LUC7L2: variants seen among roughly 807,000 people sequenced by gnomAD.
LUC7L2 encodes the protein LUC7 like 2, pre-mRNA splicing factor, also known as putative RNA-binding protein Luc7-like 2.
In LUC7L2, 25 loss-of-function variants were observed where a neutral mutation model predicts 52.8. The ratio of observed to expected loss-of-function variants is 0.47; its 90% CI spans 0.34 to 0.66. LUC7L2 has a LOEUF of 0.66. LUC7L2 is among the 30% of genes least tolerant of loss of function. LUC7L2 has a pLI of 0.01. For missense variants in LUC7L2, 328 were observed against 497.8 expected, an observed-to-expected ratio of 0.66 and a Z score of 3.25; for synonymous variants, 144 against 160.9, an observed-to-expected ratio of 0.89 and a Z score of 0.80.
rs1247246100 is a variant in LUC7L2, at chr7:139,341,232, C to G, written c.-26+715C>G. ...CCCTGGGCCTTCGATTAATAAGGTT[C>G]GGTCAACGGACAAGTGAGCGGTTCC... On this transcript the variant is annotated intron_variant, in intron 1 of 10. Transcript: ENST00000541170. 4 of 1,339,148 alleles carry G rather than the reference C, an allele frequency of 3.0e-6. No individual in the cohort carries two copies. The African/African-American group carries it at 5.9e-5, about 20-fold the overall frequency. The allele number at this position is 1,339,148 out of a possible 1,614,324, so 83.0% of individuals were successfully genotyped here. A position where few individuals can be genotyped will look rare whatever the true frequency, so the allele number is the denominator to read the frequency against.
intron 1 of LUC7L2, among the ~76,000 whole-genome samples, chr7:139,352,283 A>G (rs920305293): frequency 3.3e-5 from 5 of 152,096 alleles, no homozygotes; most frequent in Non-Finnish European, 1.5e-5. Flanking sequence ...TGGGGCCAGG[A>G]GTTTGTGACC....
chr7:139,386,664 C>G (rs562807501), intron 2 of LUC7L2, among the ~76,000 whole-genome samples: 1 of 150,896 alleles, frequency 6.6e-6, no homozygotes, highest in Non-Finnish European at 1.5e-5. Flanking sequence ...CCTCGGCCTC[C>G]CAAAGTGCTG....
intron 1 of LUC7L2, among the ~76,000 whole-genome samples, chr7:139,349,626 C>A (rs1585062090): frequency 1.6e-5 from 2 of 125,352 alleles, no homozygotes; most frequent in Admixed American, 7.7e-5. Context: ...CCCCCCCCCC[C>A]ACCGGATTTT....
intron 4 of LUC7L2, among the ~76,000 whole-genome samples, chr7:139,403,751 T>A (rs190242934): frequency 5.5e-4 from 84 of 152,358 alleles, no homozygotes; most frequent in Admixed American, 5.2e-3. Context: ...AGGCTGAACT[T>A]GACTGAGCAG....
chr7:139,350,322 C>T (rs1799412895), intron 1 of LUC7L2, among the ~76,000 whole-genome samples: 2 of 152,036 alleles, frequency 1.3e-5, no homozygotes, highest in African/African-American at 4.8e-5. Flanking sequence ...GGGGTTTCAC[C>T]GTGTTAGCCA....
intron 1 of LUC7L2, chr7:139,346,378 T>G (rs1298244196): frequency 6.6e-6 from 1 of 152,242 alleles, no homozygotes; most frequent in East Asian, 1.9e-4. Context: ...ACTAACAGTT[T>G]GATGTGCATC....
rs539771697 is a variant in LUC7L2 at position 139,379,549 on chromosome 7, C to CTTTTTTTT, written c.156+3424_156+3431dup. ...TTTCATTATTCTAGTATAACTAATGCTTTTTTTTTTTTTTTTTTTTTTTTT... is the reference window on the plus strand; with the variant it reads ...TTTCATTATTCTAGTATAACTAATGCTTTTTTTTTTTTTTTTTTTTTTTTTTTTTTTTT... On this transcript the variant is annotated intron_variant, in intron 2 of 9. Transcript: ENST00000354926. 9.5e-5 allele frequency among the ~76,000 whole-genome samples: 5 copies of CTTTTTTTT among 52,720 alleles called. 1 individual carries two copies. Among genetic ancestry groups the CTTTTTTTT allele is most frequent in the South Asian group, 7.9e-4 (1 of 1,258 alleles). 34.6% of individuals were successfully genotyped at this position (52,720 alleles called of 152,430 possible). A position where few individuals can be genotyped will look rare whatever the true frequency, so the allele number is the denominator to read the frequency against.
chr7:139,415,779 A>G (rs1459150718), intron 8 of LUC7L2, among the ~76,000 whole-genome samples: 4 of 151,884 alleles, frequency 2.6e-5, no homozygotes, highest in African/African-American at 9.7e-5. Flanking sequence ...CTGGGATTAC[A>G]GACACAAGCT....
At position 139,341,520 on chromosome 7, in the gene LUC7L2, C is replaced by G. The variant is rs746984637; in HGVS notation, c.-26+1003C>G. 15 of 1,611,624 alleles carry G rather than the reference C, an allele frequency of 9.3e-6. No individual in the cohort carries two copies. The South Asian group carries it at 1.1e-4, about 12-fold the overall frequency. On this transcript the variant is annotated intron_variant, in intron 1 of 10. Transcript: ENST00000541170. ...CCTTGTGAAGGCTTTCCGTGCACAT[C>G]GGGTACGGGAGCCATGTCCCGGGTG... is the stretch of plus-strand genomic sequence containing the variant.
At chr7:139,358,511 T>C (rs1274406415), upstream of LUC7L2, among the ~76,000 whole-genome samples, 3 of 152,206 alleles carry the variant, frequency 2.0e-5, no homozygotes, top group African/African-American at 7.2e-5. Flanking sequence ...TTAAATTTCT[T>C]TTTAGGCGAT....
At chr7:139,388,500 A>G (rs1585104089) in intron 2 of LUC7L2, among the ~76,000 whole-genome samples, 1 of 151,876 alleles carries the variant, frequency 6.6e-6, no homozygotes, top group South Asian at 2.1e-4. Flanking sequence ...ACTTGTTAAC[A>G]TGGGGGTCAG....
chr7:139,345,589 A>T, intron 1 of LUC7L2: 1 of 1,614,026 alleles, frequency 6.2e-7, no homozygotes. Context: ...ATCCGGAAAC[A>T]TGTGGCCCTA....
At chr7:139,420,274 GCTCGTTGCAAC>G (rs536966974) in intron 9 of LUC7L2, among the ~76,000 whole-genome samples, 2 of 152,322 alleles carry the variant, frequency 1.3e-5, no homozygotes, top group Non-Finnish European at 2.9e-5. Flanking sequence ...CGCGATCTCG[GCTCGTTGCAAC>G]CTCTGCCTTG....
upstream of LUC7L2, among the ~76,000 whole-genome samples, chr7:139,356,152 T>A (rs1329660889): frequency 3.4e-5 from 5 of 148,296 alleles, no homozygotes; most frequent in African/African-American, 9.9e-5. Context: ...ACAAGAAAAA[T>A]TTTAAAAATT....
At chr7:139,381,973 C>T (rs1801053689) in intron 2 of LUC7L2, among the ~76,000 whole-genome samples, 1 of 150,604 alleles carries the variant, frequency 6.6e-6, no homozygotes, top group Non-Finnish European at 1.5e-5. Context: ...CAACCTCAGC[C>T]TCCCAGGTTC....
At position 139,383,978 on chromosome 7, in the gene LUC7L2, G is replaced by A. The variant is rs183652838; in HGVS notation, c.156+7822G>A. On this transcript the variant is annotated intron_variant, in intron 2 of 9. Coordinates refer to ENST00000354926, the MANE Select transcript of LUC7L2 (RefSeq NM_016019.5). ...TTGGCCAGGCTGGTTTCGAACTCCTGACCTGAAGTGACCCACCCACCTTGG... is the reference window on the plus strand; with the variant it reads ...TTGGCCAGGCTGGTTTCGAACTCCTAACCTGAAGTGACCCACCCACCTTGG... 2.8e-5 allele frequency among the ~76,000 whole-genome samples: 4 copies of A among 144,956 alleles called. No individual in the cohort carries two copies. In the East Asian group the frequency reaches 7.8e-4, roughly 28 times the overall value.
intron 1 of LUC7L2, among the ~76,000 whole-genome samples, chr7:139,352,246 G>A (rs1475663596): frequency 6.6e-6 from 1 of 152,012 alleles, no homozygotes; most frequent in Non-Finnish European, 1.5e-5. Flanking sequence ...TCCCAGCACT[G>A]TGGGAGGCTG....
Position 139,374,633 on chromosome 7 carries a change from G to C in LUC7L2, c.62-1429G>C, listed in dbSNP as rs1052122381. The C allele has an allele frequency of 9.0e-6, 13 of 1,445,042 alleles. No individual in the cohort carries two copies. The African/African-American group carries it at 1.9e-4, about 21-fold the overall frequency. The allele number at this position is 1,445,042 out of a possible 1,614,324, so 89.5% of individuals were successfully genotyped here. On this transcript the variant is annotated intron_variant, in intron 1 of 9. Coordinates refer to ENST00000354926, the MANE Select transcript of LUC7L2 (RefSeq NM_016019.5). The stretch of plus-strand genomic sequence containing the variant: ...GTCAAAAATAACCTACTAGAGACGA[G>C]CTTCTAGAAAACCTATTGTTGAACT...
chr7:139,419,533 T>C (rs551274539), intron 9 of LUC7L2, among the ~76,000 whole-genome samples: 47 of 152,354 alleles, frequency 3.1e-4, no homozygotes, highest in African/African-American at 1.1e-3. Context: ...GCACAATGAA[T>C]TTTCAGAATT....
Sources: allele counts gnomAD v4.1 joint callset (sites outside exome capture counted in the v4.1 genomes callset), GRCh38; gene constraint gnomAD v4.1.1; transcripts MANE v1.5; gene names NCBI Gene and HGNC (gene_info 2026-07-23, HGNC 2026-07-21).